The following MARCHF11 variants were observed in gnomAD, a reference collection of about 807,000 sequenced individuals.
The protein encoded by MARCHF11 is E3 ubiquitin-protein ligase MARCHF11.
MARCHF11 carries 29 observed loss-of-function variants against 37.3 expected under a neutral mutation model. The observed-to-expected ratio is 0.78, with a 90% confidence interval of 0.58 to 1.06. MARCHF11 has a LOEUF of 1.06. MARCHF11 is among the 50% of genes least tolerant of loss of function. The probability of loss-of-function intolerance (pLI) is 0.00; values close to 1 mark genes in which losing one functional copy is unlikely to be tolerated. For synonymous variants in MARCHF11, 233 were observed against 228.0 expected, an observed-to-expected ratio of 1.02 and a Z score of -0.20; for missense variants, 482 against 533.4, an observed-to-expected ratio of 0.90 and a Z score of 0.95.
At chr5:16,089,137 T>C (rs1014492729) in intron 3 of MARCHF11, among the ~76,000 whole-genome samples, 5 of 151,846 alleles carry the variant, frequency 3.3e-5, no homozygotes, top group African/African-American at 1.2e-4. Context: ...AAATGCATGG[T>C]CTTTTTGAGT....
chr5:16,074,634 C>T (rs1461924937), intron 3 of MARCHF11, among the ~76,000 whole-genome samples: 1 of 152,094 alleles, frequency 6.6e-6, no homozygotes, highest in Non-Finnish European at 1.5e-5. Context: ...ATCATCACAG[C>T]TCAAAGGCTC....
intron 2 of MARCHF11, among the ~76,000 whole-genome samples, chr5:16,092,204 C>T (rs1405930583): frequency 1.3e-5 from 2 of 151,642 alleles, no homozygotes; most frequent in Admixed American, 6.6e-5. Flanking sequence ...CTCTCTGTCA[C>T]TCTCTCTCTC....
At chr5:16,071,534 A>G (rs75973327) in intron 3 of MARCHF11, among the ~76,000 whole-genome samples, 2,803 of 152,298 alleles carry the variant, frequency 0.018, 70 homozygotes, top group African/African-American at 0.063. Context: ...ATTTTGAAGT[A>G]GTGTGTTACT....
intron 2 of MARCHF11, among the ~76,000 whole-genome samples, chr5:16,162,024 T>C (rs912526678): frequency 2.6e-5 from 4 of 152,016 alleles, no homozygotes; most frequent in Non-Finnish European, 5.9e-5. Context: ...AAATCGATAT[T>C]AAAAATAATT....
intron 2 of MARCHF11, among the ~76,000 whole-genome samples, chr5:16,124,482 C>A (rs1737365953): frequency 6.6e-6 from 1 of 152,108 alleles, no homozygotes; most frequent in Non-Finnish European, 1.5e-5. Context: ...TCATCCTGAA[C>A]TCAAAAGTAA....
At chr5:16,104,039 A>G (rs1736999307) in intron 2 of MARCHF11, among the ~76,000 whole-genome samples, 1 of 152,208 alleles carries the variant, frequency 6.6e-6, no homozygotes, top group African/African-American at 2.4e-5. Flanking sequence ...TGAAACCACT[A>G]AATATCTTTG....
At chr5:16,164,050 C>A (rs1328893776) in intron 2 of MARCHF11, among the ~76,000 whole-genome samples, 1 of 152,076 alleles carries the variant, frequency 6.6e-6, no homozygotes, top group Non-Finnish European at 1.5e-5. Context: ...CTGCTAGGGG[C>A]TTGATCCTGG....
chr5:16,140,885 T>C (rs1737691571), intron 2 of MARCHF11: 1 of 152,204 alleles, frequency 6.6e-6, no homozygotes, highest in Non-Finnish European at 1.5e-5. Flanking sequence ...GAATTCTTAA[T>C]AAAATAGAAA....
Position 16,179,576 on chromosome 5 carries a change from G to A in MARCHF11, c.-1C>T. On this transcript the variant is annotated 5_prime_UTR_variant, in exon 1 of 4. Transcript: ENST00000332432. ...CGCCGTGGCCGCCCTCAAAGCTCAT[G>A]GTTGTGCCGCCGCCGCCCTCCTGCC... 8.4e-7 allele frequency: 1 copy of A among 1,184,692 alleles called. No individual in the cohort carries two copies. Among genetic ancestry groups the A allele is most frequent in the Non-Finnish European group, 1.0e-6 (1 of 957,932 alleles). 73.4% of individuals were successfully genotyped at this position (1,184,692 alleles called of 1,614,324 possible). A position where few individuals can be genotyped will look rare whatever the true frequency, so the allele number is the denominator to read the frequency against.
chr5:16,090,799 C>G, intron 3 of MARCHF11, 90 bp downstream of exon 3: 1 of 1,037,966 alleles, frequency 9.6e-7, no homozygotes, highest in Non-Finnish European at 1.3e-6. Flanking sequence ...CAATCCACAA[C>G]ATTCTCTATT....
intron 2 of MARCHF11, among the ~76,000 whole-genome samples, chr5:16,160,899 T>C (rs923818385): frequency 8.6e-5 from 13 of 151,892 alleles, no homozygotes; most frequent in African/African-American, 3.1e-4. Flanking sequence ...AACACAACCG[T>C]AGTTCGTGTG....
Position 16,067,552 on chromosome 5 carries a change from C to T in MARCHF11, c.1128G>A (p.Leu376=), listed in dbSNP as rs980852986. 6.2e-7 allele frequency: 1 copy of T among 1,613,954 alleles called. No homozygotes were observed. Among genetic ancestry groups the T allele is most frequent in the Non-Finnish European group, 8.5e-7 (1 of 1,179,860 alleles). ...CTTCATGGGGCCTCATCCGATTGAA[C>T]AGGTGCAATAACACATAGCCACACT... The part of the protein sequence containing the change: ...RFQCGYVLLH[L]FNRMRPHEDL... Residue 376 remains leucine (L), a synonymous_variant, in exon 4 of 4, where the codon CTG becomes CTA. Transcript: ENST00000332432.
At position 16,118,755 on chromosome 5, in the gene MARCHF11, G is replaced by A. The variant is rs151306971; in HGVS notation, c.694-27674C>T. On this transcript the variant is annotated intron_variant, in intron 2 of 3. Coordinates refer to ENST00000332432, the MANE Select transcript of MARCHF11 (RefSeq NM_001102562.3). ...GATGCCACATACCATGTTCAGAGGC[G>A]TCTTAGGATCTCTCTCCCAGGTCAT... 5.1e-4 allele frequency among the ~76,000 whole-genome samples: 77 copies of A among 152,244 alleles called. 1 individual carries two copies. The highest frequency in any genetic ancestry group is 8.4e-4 in the Non-Finnish European group (57 of 68,024).
At chr5:16,145,662 T>C (rs1315141501) in intron 2 of MARCHF11, among the ~76,000 whole-genome samples, 1 of 152,124 alleles carries the variant, frequency 6.6e-6, no homozygotes, top group Non-Finnish European at 1.5e-5. Flanking sequence ...AAGACCAGTC[T>C]CAATAATGAT....
At chr5:16,151,812 C>T (rs1380077069) in intron 2 of MARCHF11, among the ~76,000 whole-genome samples, 1 of 151,812 alleles carries the variant, frequency 6.6e-6, no homozygotes, top group Non-Finnish European at 1.5e-5. Flanking sequence ...GACAAGAAAT[C>T]CAAGCTCCCA....
intron 3 of MARCHF11, among the ~76,000 whole-genome samples, chr5:16,074,541 A>G (rs1736484732): frequency 6.6e-6 from 1 of 152,212 alleles, no homozygotes; most frequent in Admixed American, 6.5e-5. Context: ...ACTGTTGACT[A>G]TAAATGGTAT....
At chr5:16,085,591 C>CGGGGGGGGGGGTGG (rs5866169) in intron 3 of MARCHF11, among the ~76,000 whole-genome samples, 1 of 82,184 alleles carries the variant, frequency 1.2e-5, no homozygotes, top group Non-Finnish European at 2.6e-5. Context: ...TGGGTGGGGT[C>CGGGGGGGGGGGTGG]GGGGGGGGGA....
chr5:16,135,790 G>C (rs916335070), intron 2 of MARCHF11, among the ~76,000 whole-genome samples: 2 of 150,922 alleles, frequency 1.3e-5, no homozygotes, highest in South Asian at 2.1e-4. Context: ...CTTTTGTTTG[G>C]AACGCTCTCC....
chr5:16,129,908 C>CA (rs1737487122), intron 2 of MARCHF11, among the ~76,000 whole-genome samples: 1 of 151,878 alleles, frequency 6.6e-6, no homozygotes, highest in South Asian at 2.1e-4. Flanking sequence ...AGATCAGTGT[C>CA]AAAAAACATA....
Sources: allele counts gnomAD v4.1 joint callset (sites outside exome capture counted in the v4.1 genomes callset), GRCh38; gene constraint gnomAD v4.1.1; transcripts MANE v1.5; gene names NCBI Gene and HGNC (gene_info 2026-07-23, HGNC 2026-07-21).